GRK1: variants seen among roughly 807,000 people sequenced by gnomAD.
The protein encoded by GRK1 is rhodopsin kinase GRK1.
GRK1 carries 28 observed loss-of-function variants against 41.7 expected under a neutral mutation model. The observed-to-expected ratio is 0.67, with a 90% CI of 0.50 to 0.92. The LOEUF (loss-of-function observed/expected upper bound fraction) is 0.92. Among genes scored for constraint, GRK1 ranks in the 40% least tolerant of loss-of-function variants. The probability of loss-of-function intolerance (pLI) is 0.00; values close to 1 mark genes in which losing one functional copy is unlikely to be tolerated. For missense variants in GRK1, 703 were observed against 671.2 expected, an observed-to-expected ratio of 1.05 and a Z score of -0.52; for synonymous variants, 327 against 286.7, an observed-to-expected ratio of 1.14 and a Z score of -1.42.
At chr13:113,734,027 C>CGT (rs879933073) in intron 6 of GRK1, among the ~76,000 whole-genome samples, 19,951 of 132,054 alleles carry the variant, frequency 0.15, 1,604 homozygotes, top group Middle Eastern at 0.29. Flanking sequence ...TGTGTGCGTG[C>CGT]GTGTGCGTAT....
upstream of GRK1, among the ~76,000 whole-genome samples, chr13:113,663,828 G>C (rs190401395): frequency 4.5e-4 from 68 of 152,346 alleles, 1 homozygote; most frequent in Non-Finnish European, 8.4e-4. Context: ...GGAAGAATCT[G>C]CTCACCATCG....
rs1007360566 is a variant in GRK1 at position 113,731,907 on chromosome 13, G to T, written c.1194+564G>T. 6.6e-6 allele frequency among the ~76,000 whole-genome samples: 1 copy of T among 152,184 alleles called. No individual in the cohort carries two copies. The highest frequency in any genetic ancestry group is 1.5e-5 in the Non-Finnish European group (1 of 68,032). ...AGACACCAAGAACCCACAGCCCATGGTGGGCCCAGCAGCTGCTCTGAATGT... is the reference window on the plus strand; with the variant it reads ...AGACACCAAGAACCCACAGCCCATGTTGGGCCCAGCAGCTGCTCTGAATGT... On this transcript the variant is annotated intron_variant, in intron 5 of 6. Coordinates refer to ENST00000335678, the MANE Select transcript of GRK1 (RefSeq NM_002929.3). This position sits in a 1 kb window ranked among gnomAD's most constrained non-coding sequence, Gnocchi z 5.6.
chr13:113,672,193 G>A lies in GRK1; in HGVS notation c.985+537G>A, dbSNP rs1253167658. On this transcript the variant is annotated intron_variant, in intron 3 of 6. Transcript: ENST00000335678. The stretch of plus-strand genomic sequence containing the variant: ...TGTGCGCGTATGTGGTTTGTGGGGT[G>A]TGTGTGTGTGTTGTGTGTGGTGTGT... Among the ~76,000 whole-genome samples the A allele has an allele frequency of 6.6e-5, 10 of 151,942 alleles. No homozygotes were observed. In the East Asian group the frequency reaches 1.2e-3, roughly 18 times the overall value.
Position 113,735,326 on chromosome 13 carries a change from G to A in GRK1, c.1655G>A (p.Ser552Asn). The stretch of plus-strand genomic sequence containing the variant: ...ATGAAGGGCATCTCCGGGGGCTCCA[G>A]CTCCTCGTCCAAGTCAGGGATGTGT... ...DDMKGISGGS[S>N]SSSKSGMCLV... Residue 552 changes from serine to asparagine, a missense_variant, in exon 7 of 7, where the codon AGC becomes AAC. Coordinates refer to ENST00000335678, the MANE Select transcript of GRK1 (RefSeq NM_002929.3). The A allele has an allele frequency of 6.6e-7, 1 of 1,526,034 alleles. No individual in the cohort carries two copies. The highest frequency in any genetic ancestry group is 1.4e-5 in the African/African-American group (1 of 72,920). 94.5% of individuals were successfully genotyped at this position (1,526,034 alleles called of 1,614,324 possible).
chr13:113,671,059 T>C lies in GRK1; in HGVS notation c.828-440T>C, dbSNP rs1483161095. On this transcript the variant is annotated intron_variant, in intron 2 of 6. Transcript: ENST00000335678. The surrounding 1 kb of genome is among the most constrained non-coding windows in gnomAD (Gnocchi z 4.1). ...AGGTTTTGCTTCTCTGCAAAACCTG[T>C]CCGTGGAAAACATAAGAGATGATGT... 6.6e-6 allele frequency among the ~76,000 whole-genome samples: 1 copy of C among 152,234 alleles called. No homozygotes were observed. The highest frequency in any genetic ancestry group is 1.5e-5 in the Non-Finnish European group (1 of 68,038).
chr13:113,731,817 C>T lies in GRK1; in HGVS notation c.1194+474C>T, dbSNP rs534100459. On this transcript the variant is annotated intron_variant, in intron 5 of 6. Transcript: ENST00000335678. The surrounding 1 kb of genome is among the most constrained non-coding windows in gnomAD (Gnocchi z 5.6). ...GCTGGGGCTCTGGGGGACACGGAGT[C>T]GGCTCCCCCTCCCTGGACGGTCTTA... Among the ~76,000 whole-genome samples, 302 of 152,258 alleles carry T rather than the reference C, an allele frequency of 2.0e-3. 3 individuals carry two copies. Among genetic ancestry groups the T allele is most frequent in the Non-Finnish European group, 2.4e-3 (161 of 68,000 alleles).
At chr13:113,735,012 C>CA in intron 6 of GRK1, 56 bp from the exon 7 acceptor site, 1 of 1,435,064 alleles carries the variant, frequency 7.0e-7, no homozygotes, top group East Asian at 2.5e-5. Flanking sequence ...TTTGGCTAAA[C>CA]GGCGCTTCCT....
rs371547511 is a variant in GRK1 at position 113,733,857 on chromosome 13, G to A, written c.1396+772G>A. The stretch of plus-strand genomic sequence containing the variant: ...CACGTGCGTGTGCATGTGTATGTGT[G>A]CATACGTGTGTGCGTGTGTGCATAC... On this transcript the variant is annotated intron_variant, in intron 6 of 6. Transcript: ENST00000335678. 2.6e-3 allele frequency among the ~76,000 whole-genome samples: 350 copies of A among 135,906 alleles called. 9 individuals are homozygous for A. The highest frequency in any genetic ancestry group is 4.5e-3 in the Non-Finnish European group (293 of 65,492). The allele number at this position is 135,906 out of a possible 152,430, so 89.2% of individuals were successfully genotyped here. A position where few individuals can be genotyped will look rare whatever the true frequency, so the allele number is the denominator to read the frequency against.
chr13:113,728,058 TACCCATGGCGATGAGG>T (rs1263934118), intron 4 of GRK1, among the ~76,000 whole-genome samples: 4 of 57,432 alleles, frequency 7.0e-5, no homozygotes, highest in East Asian at 6.5e-4. Context: ...CGATGAGGAG[TACCCATGGCGATGAGG>T]ACCCATGGCA....
At chr13:113,650,498 G>A in the GRK1 span, 8 of 1,612,406 alleles carry the variant, frequency 5.0e-6, no homozygotes, top group Admixed American at 3.3e-5. This position sits in a 1 kb window ranked among gnomAD's most constrained non-coding sequence, Gnocchi z 5.0. Context: ...CCGAGCTCGC[G>A]GGGCTGGTCC....
the GRK1 span, chr13:113,650,504 G>T: frequency 1.9e-6 from 3 of 1,610,856 alleles, no homozygotes; most frequent in Non-Finnish European, 1.7e-6. The surrounding 1 kb of genome is among the most constrained non-coding windows in gnomAD (Gnocchi z 5.0). Context: ...TCGCGGGGCT[G>T]GTCCTGGGGA....
chr13:113,733,994 ATGTGTG>A (rs1314250137), intron 6 of GRK1, among the ~76,000 whole-genome samples: 2 of 81,000 alleles, frequency 2.5e-5, no homozygotes, highest in African/African-American at 1.2e-4. Flanking sequence ...GTGTGCATAC[ATGTGTG>A]TGCGTGTGCG....
At chr13:113,650,378 G>C in the GRK1 span, 1 of 1,594,564 alleles carries the variant, frequency 6.3e-7, no homozygotes, top group South Asian at 1.1e-5. The surrounding 1 kb of genome is among the most constrained non-coding windows in gnomAD (Gnocchi z 5.0). Flanking sequence ...CAGCTGTGGT[G>C]AGGGAAGCGT....
the GRK1 span, among the ~76,000 whole-genome samples, chr13:113,658,650 G>C: frequency 7.2e-5 from 11 of 152,212 alleles, no homozygotes; most frequent in Non-Finnish European, 1.5e-4. Context: ...CGGCCGCCCC[G>C]ATTCTGGGTC....
chr13:113,730,756 A>AC (rs2049931175), intron 4 of GRK1, among the ~76,000 whole-genome samples: 1 of 152,224 alleles, frequency 6.6e-6, no homozygotes, highest in African/African-American at 2.4e-5. Flanking sequence ...AAGGAGAGTG[A>AC]CCGTTGGTTG....
chr13:113,667,477 C>G lies in GRK1; in HGVS notation c.91C>G (p.Arg31Gly). 6.2e-7 allele frequency: 1 copy of G among 1,610,820 alleles called. No homozygotes were observed. Among genetic ancestry groups the G allele is most frequent in the African/African-American group, 1.3e-5 (1 of 74,982 alleles). Reference protein sequence around the residue: ...SFDGSSSQPSRDKKYLAKLKL... With the variant: ...SFDGSSSQPSGDKKYLAKLKL... ...TGACGGCAGCAGCTCCCAACCCTCC[C>G]GGGACAAGAAGTACCTGGCCAAGCT... The change falls in exon 1 of 7, where the codon CGG becomes GGG. Residue 31 changes from arginine to glycine, a missense_variant. Physicochemically the swap from Arg to Gly is moderately radical, Grantham distance 125. Transcript: ENST00000335678. This position sits in a 1 kb window ranked among gnomAD's most constrained non-coding sequence, Gnocchi z 7.5.
chr13:113,724,475 T>C (rs772038798), intron 4 of GRK1, among the ~76,000 whole-genome samples: 1 of 152,122 alleles, frequency 6.6e-6, no homozygotes, highest in Non-Finnish European at 1.5e-5. Context: ...CATGCTGGTG[T>C]TTAGGCACTG....
chr13:113,724,599 C>T (rs1258645736), intron 4 of GRK1, among the ~76,000 whole-genome samples: 1 of 152,194 alleles, frequency 6.6e-6, no homozygotes, highest in Non-Finnish European at 1.5e-5. Context: ...TGACGAAGGG[C>T]AGTTCTGTGC....
intron 5 of GRK1, among the ~76,000 whole-genome samples, chr13:113,732,405 T>C (rs534392836): frequency 4.6e-5 from 7 of 151,936 alleles, no homozygotes; most frequent in South Asian, 2.1e-4. Flanking sequence ...CCCGTGGGAG[T>C]AGCGTCAATG....
Sources: allele counts gnomAD v4.1 joint callset (sites outside exome capture counted in the v4.1 genomes callset), GRCh38; gene constraint gnomAD v4.1.1; non-coding constraint Gnocchi (gnomAD v3.1); transcripts MANE v1.5; gene names NCBI Gene and HGNC (gene_info 2026-07-23, HGNC 2026-07-21).